MBD5: variants seen among roughly 807,000 people sequenced by gnomAD.
MBD5 encodes the protein methyl-CpG binding domain protein 5, also known as methyl-CpG-binding domain protein 5.
MBD5 carries 13 observed loss-of-function variants against 117.3 expected under a neutral mutation model. The ratio of observed to expected loss-of-function variants is 0.11; its 90% CI spans 0.07 to 0.18. MBD5 has a LOEUF of 0.18. MBD5 is among the 10% of genes least tolerant of loss of function. The pLI, the probability that MBD5 is intolerant of heterozygous loss-of-function variation, is 1.00. For missense variants in MBD5, 1,879 were observed against 2,093.8 expected, an observed-to-expected ratio of 0.90 and a Z score of 2.00; for synonymous variants, 727 against 766.4, an observed-to-expected ratio of 0.95 and a Z score of 0.85.
At chr2:148,304,097 A>G (rs1043397124) in intron 3 of MBD5, among the ~76,000 whole-genome samples, 3 of 152,182 alleles carry the variant, frequency 2.0e-5, no homozygotes, top group Admixed American at 6.5e-5. Context: ...CCCGATTCCT[A>G]GGAGTCTGAA....
At chr2:148,250,177 T>G (rs1700433681) in intron 3 of MBD5, among the ~76,000 whole-genome samples, 1 of 152,198 alleles carries the variant, frequency 6.6e-6, no homozygotes, top group Non-Finnish European at 1.5e-5. Flanking sequence ...TGGATGGAGC[T>G]GGAGGCCATT....
At chr2:148,111,859 C>G (rs1429928698) in intron 1 of MBD5, among the ~76,000 whole-genome samples, 1 of 151,920 alleles carries the variant, frequency 6.6e-6, no homozygotes, top group Non-Finnish European at 1.5e-5. Flanking sequence ...ATGTACATAC[C>G]TATAAGTTTA....
intron 1 of MBD5, among the ~76,000 whole-genome samples, chr2:148,143,452 T>C (rs574218556): frequency 2.0e-5 from 3 of 152,292 alleles, no homozygotes; most frequent in Non-Finnish European, 4.4e-5. Flanking sequence ...CTATCTACAT[T>C]GTATTATCTT....
At chr2:148,408,683 CT>C (rs1705155622) in intron 4 of MBD5, among the ~76,000 whole-genome samples, 1 of 152,056 alleles carries the variant, frequency 6.6e-6, no homozygotes, top group South Asian at 2.1e-4. Flanking sequence ...TCATACACCC[CT>C]ATTTATGTAT....
At position 148,516,744 on chromosome 2, in the gene MBD5, T is replaced by C. The variant is rs1682350361; in HGVS notation, c.*3803T>C. Reference sequence around the variant, plus strand: ...CAAATATGAAAGATTAATTTGTATCTACTGTAAATATGTATTACCAGCCTT... The same window carrying C: ...CAAATATGAAAGATTAATTTGTATCCACTGTAAATATGTATTACCAGCCTT... On this transcript the variant is annotated 3_prime_UTR_variant, in exon 14 of 14. Coordinates refer to ENST00000642680, the MANE Select transcript of MBD5 (RefSeq NM_001378120.1). 1 of 152,234 alleles carries C rather than the reference T, an allele frequency of 6.6e-6. No individual in the cohort carries two copies. 9.4% of individuals were successfully genotyped at this position (152,234 alleles called of 1,614,324 possible).
At chr2:148,386,820 AC>A (rs1400910154) in intron 4 of MBD5, among the ~76,000 whole-genome samples, 1 of 152,084 alleles carries the variant, frequency 6.6e-6, no homozygotes, top group African/African-American at 2.4e-5. Context: ...GATGAACTGT[AC>A]CCATTCCTAA....
intron 1 of MBD5, among the ~76,000 whole-genome samples, chr2:148,164,992 A>G (rs1698091136): frequency 6.6e-6 from 1 of 152,148 alleles, no homozygotes; most frequent in Non-Finnish European, 1.5e-5. Flanking sequence ...AAATATCATG[A>G]AGGAGTTTAT....
At chr2:148,295,409 C>T (rs1048933178) in intron 3 of MBD5, among the ~76,000 whole-genome samples, 1 of 151,558 alleles carries the variant, frequency 6.6e-6, no homozygotes, top group African/African-American at 2.4e-5. Flanking sequence ...TTTTAAAATC[C>T]ATAGTCTTTG....
chr2:148,144,929 G>C (rs560358680), intron 1 of MBD5, among the ~76,000 whole-genome samples: 1 of 152,118 alleles, frequency 6.6e-6, no homozygotes, highest in Non-Finnish European at 1.5e-5. Context: ...TTGGCAATGC[G>C]GGCTCTTTTT....
chr2:148,254,625 T>G (rs2106262178), intron 3 of MBD5, among the ~76,000 whole-genome samples: 1 of 152,162 alleles, frequency 6.6e-6, no homozygotes, highest in East Asian at 1.9e-4. Context: ...CGTCTGCTGG[T>G]AGGTAAGGCC....
chr2:148,237,147 C>G (rs1283754280), intron 3 of MBD5, among the ~76,000 whole-genome samples: 1 of 152,224 alleles, frequency 6.6e-6, no homozygotes, highest in African/African-American at 2.4e-5. Flanking sequence ...GATCTTCTAT[C>G]CATGCCACTA....
At chr2:148,414,581 T>C (rs1705365021) in intron 4 of MBD5, among the ~76,000 whole-genome samples, 2 of 152,192 alleles carry the variant, frequency 1.3e-5, no homozygotes, top group African/African-American at 4.8e-5. Flanking sequence ...CCCACTATTA[T>C]AGCGTGGGAC....
intron 12 of MBD5, 138 bp downstream of exon 12, chr2:148,502,647 C>A (rs1007160420): frequency 1.3e-5 from 10 of 790,788 alleles, no homozygotes; most frequent in Non-Finnish European, 2.0e-5. Context: ...CCAAAGAGGA[C>A]CATTATAGAC....
chr2:148,481,058 G>T (rs1462781628), intron 8 of MBD5, among the ~76,000 whole-genome samples: 1 of 151,964 alleles, frequency 6.6e-6, no homozygotes, highest in Non-Finnish European at 1.5e-5. Flanking sequence ...CCATATTTCA[G>T]AACTTTTGCT....
intron 6 of MBD5, 99 bp from the exon 7 acceptor site, chr2:148,463,640 T>C: frequency 7.2e-7 from 1 of 1,386,818 alleles, no homozygotes; most frequent in Non-Finnish European, 1.0e-6. Context: ...TATTCAGATT[T>C]ATGGCTTAAT....
chr2:148,292,503 G>A (rs1004964016), intron 3 of MBD5, among the ~76,000 whole-genome samples: 3 of 152,096 alleles, frequency 2.0e-5, no homozygotes, highest in Admixed American at 6.5e-5. Flanking sequence ...AATGCAAATC[G>A]AGACTACAAT....
At chr2:148,183,242 C>A (rs1698571392) in intron 2 of MBD5, among the ~76,000 whole-genome samples, 2 of 151,788 alleles carry the variant, frequency 1.3e-5, no homozygotes, top group South Asian at 4.2e-4. Flanking sequence ...TAGTATGTAT[C>A]TGATTGTAGT....
chr2:148,324,460 T>G (rs1702386819), intron 3 of MBD5, among the ~76,000 whole-genome samples: 1 of 152,252 alleles, frequency 6.6e-6, no homozygotes, highest in Non-Finnish European at 1.5e-5. Flanking sequence ...TTATTCTTCC[T>G]ACCCATGAGC....
intron 3 of MBD5, among the ~76,000 whole-genome samples, chr2:148,311,155 A>G (rs1329836497): frequency 6.6e-6 from 1 of 152,192 alleles, no homozygotes; most frequent in African/African-American, 2.4e-5. Flanking sequence ...GTACATGTCT[A>G]TTAGGTCGGC....
Sources: gnomAD v4.1 joint callset for allele counts (sites outside exome capture counted in the v4.1 genomes callset) on GRCh38, gnomAD v4.1.1 for gene constraint, MANE v1.5 for transcripts, NCBI Gene and HGNC (gene_info 2026-07-23, HGNC 2026-07-21) for gene names.